Variants in AGO4 observed in about 807,000 individuals in gnomAD.
AGO4 encodes the protein argonaute RISC component 4, also known as protein argonaute-4.
In AGO4, 33 loss-of-function variants were observed where a neutral mutation model predicts 104.7. That is an observed-to-expected ratio of 0.32 (90% CI 0.24 to 0.42). AGO4 has a LOEUF of 0.42. Among genes scored for constraint, AGO4 ranks in the 10% least tolerant of loss-of-function variants. The pLI is 1.00. For missense variants in AGO4, 711 were observed against 1,083.4 expected (o/e 0.66, Z 4.83); for synonymous variants, 331 against 364.7 (o/e 0.91, Z 1.05).
At chr1:35,848,156 A>G (rs1644617250) in intron 15 of AGO4, among the ~76,000 whole-genome samples, 2 of 152,238 alleles carry the variant, frequency 1.3e-5, no homozygotes, top group African/African-American at 4.8e-5. Flanking sequence ...TTTTTCCAGC[A>G]CATCATATAA....
At chr1:35,820,890 G>T (rs1643874836) in intron 2 of AGO4, among the ~76,000 whole-genome samples, 1 of 151,994 alleles carries the variant, frequency 6.6e-6, no homozygotes, top group Non-Finnish European at 1.5e-5. Flanking sequence ...CTGTGTGTTT[G>T]CTCAATTAAG....
chr1:35,816,949 A>G lies in AGO4; in HGVS notation c.87A>G (p.Arg29=). ...TTGGAACTGTTGGAAAACCAATTCGACTGTTAGCCAATCATTTTCAGGTTC... is the reference window on the plus strand; with the variant it reads ...TTGGAACTGTTGGAAAACCAATTCGGCTGTTAGCCAATCATTTTCAGGTTC... ...PGLGTVGKPI[R]LLANHFQVQI... The change falls in exon 2 of 18, where the codon CGA becomes CGG. Residue 29 remains arginine, a synonymous_variant. Transcript: ENST00000373210. 6.2e-7 allele frequency: 1 copy of G among 1,614,012 alleles called. No individual in the cohort carries two copies. The highest frequency in any genetic ancestry group is 8.5e-7 in the Non-Finnish European group (1 of 1,179,974).
At chr1:35,839,865 G>A (rs1246795646) in intron 13 of AGO4, among the ~76,000 whole-genome samples, 1 of 151,692 alleles carries the variant, frequency 6.6e-6, no homozygotes, top group Non-Finnish European at 1.5e-5. Flanking sequence ...TATCTGGAAG[G>A]CTGAAGTGGG....
intron 3 of AGO4, 109 bp from the exon 4 acceptor site, chr1:35,825,204 A>G (rs914600594): frequency 1.7e-6 from 2 of 1,186,024 alleles, no homozygotes; most frequent in African/African-American, 3.1e-5. Context: ...AATTGTAAAA[A>G]AAAGTTAAAA....
At chr1:35,835,777 C>A in intron 12 of AGO4, 57 bp from the exon 13 acceptor site, 1 of 1,446,076 alleles carries the variant, frequency 6.9e-7, no homozygotes. Flanking sequence ...TTTCCTTCTG[C>A]TTTTAGTAAT....
chr1:35,828,481 C>G (rs755386141), intron 7 of AGO4, among the ~76,000 whole-genome samples: 16 of 152,062 alleles, frequency 1.1e-4, no homozygotes, highest in Non-Finnish European at 2.2e-4. Flanking sequence ...GCAGCATACT[C>G]CTTTCCATTT....
intron 1 of AGO4, among the ~76,000 whole-genome samples, chr1:35,809,164 A>C (rs753555764): frequency 3.3e-5 from 5 of 152,110 alleles, no homozygotes; most frequent in African/African-American, 4.8e-5. Context: ...GGATCAAATG[A>C]AGGAGAAAGT....
intron 15 of AGO4, among the ~76,000 whole-genome samples, chr1:35,844,057 A>G (rs1644509913): frequency 6.6e-6 from 1 of 152,024 alleles, no homozygotes; most frequent in Admixed American, 6.6e-5. Context: ...TTTTTTTGGA[A>G]CAGGGTCTCA....
chr1:35,831,672 C>A, intron 8 of AGO4, 98 bp downstream of exon 8: 1 of 1,536,284 alleles, frequency 6.5e-7, no homozygotes, highest in Non-Finnish European at 8.8e-7. Flanking sequence ...GTGTTAATTT[C>A]TAAAATATTT....
Position 35,826,286 on chromosome 1 carries a change from G to T in AGO4, c.760+226G>T, listed in dbSNP as rs768306920. Among the ~76,000 whole-genome samples the T allele has an allele frequency of 3.1e-4, 47 of 152,214 alleles. 1 individual carries two copies. The Middle Eastern group carries it at 0.017, about 55-fold the overall frequency. ...TGTTGTGAGAATTAAATGCAATTAGGCTTATAAAGCTTTCTAGCATAGTAC... is the reference window on the plus strand; with the variant it reads ...TGTTGTGAGAATTAAATGCAATTAGTCTTATAAAGCTTTCTAGCATAGTAC... On this transcript the variant is annotated intron_variant, in intron 6 of 17. Transcript: ENST00000373210.
upstream of AGO4, among the ~76,000 whole-genome samples, chr1:35,807,865 C>T (rs926928240): frequency 6.6e-6 from 1 of 152,098 alleles, no homozygotes; most frequent in Non-Finnish European, 1.5e-5. Context: ...AACTGGAATC[C>T]AGATCTTTTG....
At chr1:35,823,091 A>G in intron 3 of AGO4, 109 bp downstream of exon 3, 1 of 1,310,420 alleles carries the variant, frequency 7.6e-7, no homozygotes, top group Non-Finnish European at 1.0e-6. Flanking sequence ...GTTTGAGGTG[A>G]TGATATCCTA....
chr1:35,841,372 G>C lies in AGO4; in HGVS notation c.1932G>C (p.Leu644=). 2 of 1,614,216 alleles carry C rather than the reference G, an allele frequency of 1.2e-6. No individual in the cohort carries two copies. The highest frequency in any genetic ancestry group is 1.7e-6 in the Non-Finnish European group (2 of 1,180,042). Reference sequence around the variant, plus strand: ...ACAGTCAAGAGGTCATCCAGGACCTGACTAACATGGTTCGAGAGCTGCTGA... The same window carrying C: ...ACAGTCAAGAGGTCATCCAGGACCTCACTAACATGGTTCGAGAGCTGCTGA... ...LLYSQEVIQD[L]TNMVRELLIQ... is the part of the protein sequence containing the mutation. The change falls in exon 14 of 18, where the codon CTG becomes CTC. Residue 644 remains leucine (L), a synonymous_variant. Coordinates refer to ENST00000373210, the MANE Select transcript of AGO4 (RefSeq NM_017629.4). The surrounding 1 kb of genome is among the most constrained non-coding windows in gnomAD (Gnocchi z 4.7).
intron 1 of AGO4, among the ~76,000 whole-genome samples, chr1:35,809,641 A>G (rs562194040): frequency 1.3e-5 from 2 of 152,344 alleles, no homozygotes; most frequent in South Asian, 2.1e-4. Context: ...ATGCCAGGTT[A>G]ACTTCAGATA....
chr1:35,818,697 G>GGAAGGAAC (rs1158099330), intron 2 of AGO4, among the ~76,000 whole-genome samples: 8 of 150,946 alleles, frequency 5.3e-5, no homozygotes, highest in Middle Eastern at 6.9e-3. Context: ...AAGGAAGGAA[G>GGAAGGAAC]GAAGGAAAGA....
At chr1:35,843,674 A>G (rs894042004) in intron 15 of AGO4, among the ~76,000 whole-genome samples, 6 of 152,108 alleles carry the variant, frequency 3.9e-5, no homozygotes, top group African/African-American at 1.2e-4. Context: ...AAAAAATAGT[A>G]CTTCTTAGAC....
At chr1:35,835,006 CTTT>C (rs34516326) in intron 12 of AGO4, among the ~76,000 whole-genome samples, 8 of 102,970 alleles carry the variant, frequency 7.8e-5, no homozygotes, top group Non-Finnish European at 1.1e-4. Context: ...CAGTTTTAAA[CTTT>C]TTTTTTTTTT....
At position 35,855,665 on chromosome 1, in the gene AGO4, T is replaced by C. The variant is rs1205091914; in HGVS notation, c.*2060T>C. The C allele has an allele frequency of 2.0e-5, 3 of 152,146 alleles. 1 individual carries two copies. The South Asian group carries it at 6.2e-4, about 32-fold the overall frequency. The allele number at this position is 152,146 out of a possible 1,614,324, so 9.4% of individuals were successfully genotyped here. ...CTTAAAATTTTCCTTTTTTTTTTTT[T>C]TTTTTGCAAATACCTCACTTGGATA... is the stretch of plus-strand genomic sequence containing the variant. On this transcript the variant is annotated 3_prime_UTR_variant, in exon 18 of 18. Coordinates refer to ENST00000373210, the MANE Select transcript of AGO4 (RefSeq NM_017629.4).
At chr1:35,844,778 A>G (rs1296270585) in intron 15 of AGO4, among the ~76,000 whole-genome samples, 1 of 152,174 alleles carries the variant, frequency 6.6e-6, no homozygotes, top group Non-Finnish European at 1.5e-5. Flanking sequence ...CGCCCTATAA[A>G]GGTGGTTTAA....
Sources: gnomAD v4.1 joint callset for allele counts (sites outside exome capture counted in the v4.1 genomes callset) on GRCh38, gnomAD v4.1.1 for gene constraint, Gnocchi (gnomAD v3.1) non-coding constraint, MANE v1.5 for transcripts, NCBI Gene and HGNC (gene_info 2026-07-23, HGNC 2026-07-21) for gene names.